SSUH2: variants seen among roughly 807,000 people sequenced by gnomAD.
SSUH2 encodes protein SSUH2 homolog.
SSUH2 carries 47 observed loss-of-function variants against 55.3 expected under a neutral mutation model. The observed-to-expected ratio is 0.85, with a 90% CI of 0.67 to 1.08. SSUH2 has a LOEUF of 1.08. SSUH2 is among the 50% of genes least tolerant of loss of function. The pLI is 0.00. For missense variants in SSUH2, 535 were observed against 490.7 expected (o/e 1.09, Z -0.85); for synonymous variants, 212 against 191.5 (o/e 1.11, Z -0.89).
chr3:8,636,274 T>C (rs1699911811), intron 1 of SSUH2, among the ~76,000 whole-genome samples: 1 of 152,152 alleles, frequency 6.6e-6, no homozygotes, highest in Non-Finnish European at 1.5e-5. Flanking sequence ...GCATTTGTTT[T>C]GGAACCCTGA....
intron 2 of SSUH2, 128 bp downstream of exon 2, chr3:8,635,631 G>A (rs536287308): frequency 2.7e-4 from 252 of 916,818 alleles, no homozygotes; most frequent in Admixed American, 3.7e-4. Context: ...TGCCCAAGAT[G>A]AGGGGCTTCC....
intron 7 of SSUH2, among the ~76,000 whole-genome samples, chr3:8,651,559 GA>G (rs1251646427): frequency 6.6e-6 from 1 of 152,168 alleles, no homozygotes; most frequent in Admixed American, 6.5e-5. Flanking sequence ...TGGGGAGCAG[GA>G]GCAGAATGAG....
chr3:8,681,349 C>G (rs1221173730), intron 1 of SSUH2, among the ~76,000 whole-genome samples: 1 of 146,372 alleles, frequency 6.8e-6, no homozygotes, highest in Admixed American at 6.8e-5. Context: ...GGCTCGGGGA[C>G]TGAGAGCCAG....
At chr3:8,671,534 G>A (rs974142212) in intron 4 of SSUH2, among the ~76,000 whole-genome samples, 1 of 151,646 alleles carries the variant, frequency 6.6e-6, no homozygotes, top group Non-Finnish European at 1.5e-5. Context: ...CTCCCCTTAG[G>A]AGAATAAGAC....
chr3:8,623,936 T>C (rs2125095415), intron 10 of SSUH2, among the ~76,000 whole-genome samples: 1 of 152,290 alleles, frequency 6.6e-6, no homozygotes, highest in African/African-American at 2.4e-5. Flanking sequence ...ATGGCTGGTG[T>C]GGTCCCCGTC....
chr3:8,639,293 C>T (rs577756859), intron 1 of SSUH2, among the ~76,000 whole-genome samples: 36 of 152,316 alleles, frequency 2.4e-4, no homozygotes, highest in Admixed American at 1.6e-3. Flanking sequence ...CATTGTGTCC[C>T]GTGGCTCCCA....
chr3:8,648,457 C>T (rs1258455834), upstream of SSUH2, among the ~76,000 whole-genome samples: 1 of 152,194 alleles, frequency 6.6e-6, no homozygotes, highest in African/African-American at 2.4e-5. Context: ...AACTACGATG[C>T]CCGCAGGCCA....
intron 9 of SSUH2, among the ~76,000 whole-genome samples, chr3:8,625,937 C>T (rs775091991): frequency 6.6e-6 from 1 of 152,194 alleles, no homozygotes; most frequent in African/African-American, 2.4e-5. Context: ...GACTTAGGGA[C>T]GTAGCAGGAT....
intron 5 of SSUH2, among the ~76,000 whole-genome samples, chr3:8,667,801 A>G (rs999952344): frequency 6.6e-6 from 1 of 152,196 alleles, no homozygotes; most frequent in African/African-American, 2.4e-5. Flanking sequence ...GACAAAAGAC[A>G]CATAAAAGAC....
In SSUH2 at chr3:8,619,715, G is replaced by T; in HGVS notation, c.*153C>A. The T allele has an allele frequency of 1.2e-6, 1 of 803,166 alleles. No individual in the cohort carries two copies. The highest frequency in any genetic ancestry group is 1.9e-6 in the Non-Finnish European group (1 of 517,690). The allele number at this position is 803,166 out of a possible 1,614,324, so 49.8% of individuals were successfully genotyped here. Reference sequence around the variant, plus strand: ...ACCAGAGGAGCTGTATAAGGGGTTGGAGCTTGATAGATGATAAGCTGGTTT... The same window carrying T: ...ACCAGAGGAGCTGTATAAGGGGTTGTAGCTTGATAGATGATAAGCTGGTTT... On this transcript the variant is annotated 3_prime_UTR_variant, in exon 12 of 12. Coordinates refer to ENST00000544814, the MANE Select transcript of SSUH2 (RefSeq NM_001256748.3).
intron 3 of SSUH2, among the ~76,000 whole-genome samples, chr3:8,675,372 G>A (rs1348290043): frequency 1.3e-5 from 2 of 152,202 alleles, no homozygotes; most frequent in Non-Finnish European, 1.5e-5. Flanking sequence ...GAGACCATCA[G>A]AAGTTTCCCA....
chr3:8,665,691 T>C (rs970679809), intron 5 of SSUH2, among the ~76,000 whole-genome samples: 1 of 152,156 alleles, frequency 6.6e-6, no homozygotes, highest in African/African-American at 2.4e-5. Flanking sequence ...GCCTTTCATG[T>C]CACTTCAAAC....
exon 7 of SSUH2, chr3:8,658,977 C>T (rs1703213942): frequency 6.6e-6 from 1 of 152,274 alleles, no homozygotes; most frequent in African/African-American, 2.4e-5. Flanking sequence ...CCTTCCTTCA[C>T]AGCAGCCCTA....
intron 3 of SSUH2, among the ~76,000 whole-genome samples, chr3:8,675,077 G>A (rs1180551733): frequency 2.0e-5 from 3 of 152,110 alleles, no homozygotes; most frequent in Non-Finnish European, 2.9e-5. Flanking sequence ...AAGGACTACC[G>A]GCCAGTACAG....
At chr3:8,628,714 C>T (rs917905873) in intron 7 of SSUH2, among the ~76,000 whole-genome samples, 3 of 152,210 alleles carry the variant, frequency 2.0e-5, no homozygotes, top group Non-Finnish European at 2.9e-5. Context: ...AAGGACGGCC[C>T]GCAGCTCCCA....
chr3:8,670,391 T>C (rs1559533534), intron 5 of SSUH2, among the ~76,000 whole-genome samples: 1 of 152,072 alleles, frequency 6.6e-6, no homozygotes, highest in Non-Finnish European at 1.5e-5. Context: ...ACACACATGA[T>C]GTACACCACC....
upstream of SSUH2, among the ~76,000 whole-genome samples, chr3:8,646,761 C>T (rs529640778): frequency 1.3e-5 from 2 of 152,290 alleles, no homozygotes; most frequent in African/African-American, 2.4e-5. Context: ...CTGGGACCCA[C>T]GACAGTGTGA....
chr3:8,629,492 C>T, intron 7 of SSUH2, 172 bp downstream of exon 7: 1 of 608,798 alleles, frequency 1.6e-6, no homozygotes, highest in South Asian at 2.0e-5. Flanking sequence ...CCACACAACC[C>T]CACTTTTTCA....
intron 7 of SSUH2, among the ~76,000 whole-genome samples, chr3:8,657,259 C>T (rs1308489971): frequency 6.6e-6 from 1 of 152,010 alleles, no homozygotes; most frequent in Non-Finnish European, 1.5e-5. Flanking sequence ...GCATCTCAGG[C>T]ATCTTCACAT....
Sources: allele counts gnomAD v4.1 joint callset (sites outside exome capture counted in the v4.1 genomes callset), GRCh38; gene constraint gnomAD v4.1.1; transcripts MANE v1.5; gene names NCBI Gene and HGNC (gene_info 2026-07-23, HGNC 2026-07-21).